Variants in CTBP1 observed in about 807,000 individuals in gnomAD.
CTBP1 encodes C-terminal-binding protein 1.
Under a neutral mutation model 42.1 loss-of-function variants are expected in CTBP1, and 11 were observed. The observed-to-expected ratio is 0.26, with a 90% CI of 0.16 to 0.43. CTBP1 has a LOEUF of 0.43. CTBP1 is among the 20% of genes least tolerant of loss of function. The pLI is 1.00. For missense variants in CTBP1, 399 were observed against 624.3 expected (o/e 0.64, Z 3.85); for synonymous variants, 324 against 277.1 (o/e 1.17, Z -1.68).
intron 8 of CTBP1, 99 bp from the exon 9 acceptor site, chr4:1,213,129 G>A: frequency 2.8e-6 from 3 of 1,060,150 alleles, no homozygotes; most frequent in Non-Finnish European, 1.4e-6. Flanking sequence ...TCTTGGCAGT[G>A]TGCTCCTCCC....
At chr4:1,221,848 G>A (rs1729773112) in intron 5 of CTBP1, 1 of 429,486 alleles carries the variant, frequency 2.3e-6, no homozygotes, top group Non-Finnish European at 4.7e-6. Flanking sequence ...ACCTAAGACA[G>A]TGCATTTTTC....
chr4:1,220,287 T>G (rs1433381577), intron 5 of CTBP1, among the ~76,000 whole-genome samples: 1 of 142,074 alleles, frequency 7.0e-6, no homozygotes, highest in African/African-American at 2.6e-5. Context: ...CAAGACTGTC[T>G]CCAAAAAAAA....
In CTBP1 at chr4:1,238,324, C is replaced by T. The variant is rs1414593862; in HGVS notation, c.21G>A (p.Pro7=). The change falls in exon 3 of 10, where the codon CCG becomes CCA. Residue 7 remains proline (P), a synonymous_variant. Transcript: ENST00000382952. This position sits in a 1 kb window ranked among gnomAD's most constrained non-coding sequence, Gnocchi z 5.9. ...GCGGGTGCAGGGGCCCGTTCATGAT[C>T]GGAGGTCGGACGCCTGCAAGACAGA... is the stretch of plus-strand genomic sequence containing the variant. MSGVRP[P]IMNGPLHPRP... is the part of the protein sequence containing the mutation. The T allele has an allele frequency of 3.2e-6, 5 of 1,573,444 alleles. No homozygotes were observed. The highest frequency in any genetic ancestry group is 1.2e-5 in the South Asian group (1 of 86,734).
intron 1 of CTBP1, among the ~76,000 whole-genome samples, chr4:1,247,339 T>C (rs949976684): frequency 1.2e-4 from 18 of 152,068 alleles, no homozygotes; most frequent in African/African-American, 4.3e-4. Context: ...GACGCCTGTA[T>C]GGAAGCAGGT....
At position 1,242,674 on chromosome 4, in the gene CTBP1, C is replaced by A. The variant is rs565897588; in HGVS notation, c.-188-1155G>T. 5.2e-5 allele frequency: 51 copies of A among 985,436 alleles called. No individual in the cohort carries two copies. In the South Asian group the frequency reaches 1.5e-3, roughly 29 times the overall value. 61.0% of individuals were successfully genotyped at this position (985,436 alleles called of 1,614,324 possible). A position where few individuals can be genotyped will look rare whatever the true frequency, so the allele number is the denominator to read the frequency against. On this transcript the variant is annotated intron_variant, in intron 1 of 9. Transcript: ENST00000382952. ...GCAGGTGCTGTGTGGGACTCCCTGA[C>A]GGAGGGCCCAAGAGCAACACTGTGG...
chr4:1,248,811 G>A (rs1308303470), intron 1 of CTBP1, 105 bp downstream of exon 1: 54 of 928,414 alleles, frequency 5.8e-5, no homozygotes, highest in African/African-American at 5.5e-4. Context: ...AAAGCCGGCG[G>A]CCCGCGGGCG....
chr4:1,245,565 G>A (rs1405965599), intron 1 of CTBP1: 5 of 984,016 alleles, frequency 5.1e-6, no homozygotes, highest in African/African-American at 1.7e-5. Context: ...TGGCACAGGA[G>A]GGCACGGTGA....
Position 1,212,972 on chromosome 4 carries a change from G to C in CTBP1, c.1047C>G (p.Thr349=). The change falls in exon 9 of 10, where the codon ACC becomes ACG. Residue 349 remains threonine, a synonymous_variant. Transcript: ENST00000382952. ...CGGCGGGGTCCATGCTGGCCCAGTG[G>C]GTGGCGGCTGTCAGATGGTCCTTGT... is the stretch of plus-strand genomic sequence containing the variant. ...CVNKDHLTAA[T]HWASMDPAVV... is the part of the protein sequence containing the mutation. 6.2e-7 allele frequency: 1 copy of C among 1,613,920 alleles called. No homozygotes were observed. Among genetic ancestry groups the C allele is most frequent in the Non-Finnish European group, 8.5e-7 (1 of 1,180,000 alleles).
chr4:1,243,242 C>T (rs2108800152), intron 1 of CTBP1: 1 of 985,410 alleles, frequency 1.0e-6, no homozygotes, highest in Non-Finnish European at 1.2e-6. Flanking sequence ...CCAGTACGTG[C>T]CCACACCTGT....
rs140595665 is a variant in CTBP1, at chr4:1,212,411, G to T, written c.1119C>A (p.Gly373=). The change falls in exon 10 of 10, where the codon GGC becomes GGA. Residue 373 remains glycine (G), a synonymous_variant. Transcript: ENST00000382952. ...LNGAAYRYPP[G]VVGVAPTGIP... Reference sequence around the variant, plus strand: ...TGCCAGTGGGGGCCACGCCCACCACGCCCGGAGGGTACCTGCTGGGAGAGG... The same window carrying T: ...TGCCAGTGGGGGCCACGCCCACCACTCCCGGAGGGTACCTGCTGGGAGAGG... 368 of 1,461,734 alleles carry T rather than the reference G, an allele frequency of 2.5e-4. No homozygotes were observed. The highest frequency in any genetic ancestry group is 3.0e-4 in the Non-Finnish European group (328 of 1,109,824). The allele number at this position is 1,461,734 out of a possible 1,614,324, so 90.5% of individuals were successfully genotyped here.
chr4:1,215,087 C>T (rs757628350), intron 6 of CTBP1, among the ~76,000 whole-genome samples: 9 of 152,224 alleles, frequency 5.9e-5, no homozygotes, highest in Non-Finnish European at 1.3e-4. Flanking sequence ...GGGCAGGTCA[C>T]GGTGGCTTTT....
intron 5 of CTBP1, among the ~76,000 whole-genome samples, chr4:1,223,164 A>C (rs1729941030): frequency 2.0e-5 from 3 of 151,526 alleles, no homozygotes; most frequent in Middle Eastern, 6.9e-3. Context: ...CTCTGCCCCA[A>C]CCTGGGCTTC....
intron 1 of CTBP1, chr4:1,243,398 T>C (rs1052121492): frequency 8.3e-5 from 82 of 985,224 alleles, no homozygotes; most frequent in Non-Finnish European, 9.4e-5. Context: ...CTGCCAGACC[T>C]GAGGGGCTGC....
rs540162590 is a variant in CTBP1 at position 1,248,678 on chromosome 4, G to T, written c.-189+238C>A. 3.8e-4 allele frequency: 369 copies of T among 982,594 alleles called. 2 individuals are homozygous for T. The African/African-American group carries it at 5.6e-3, about 15-fold the overall frequency. 60.9% of individuals were successfully genotyped at this position (982,594 alleles called of 1,614,324 possible). On this transcript the variant is annotated intron_variant, in intron 1 of 9. Transcript: ENST00000382952. ...TGTGTCACCTGCACGGGCCGCGGGC[G>T]GGGAGAGCAGACTGCGGCGCTCGCG...
At position 1,212,902 on chromosome 4, in the gene CTBP1, G is replaced by A; in HGVS notation, c.1106+11C>T. ...TCCTGGAGGCTGTTCTGGGCCAGCG[G>A]GCCTGCTCACCTATAGGCAGCCCCA... is the stretch of plus-strand genomic sequence containing the variant. On this transcript the variant is annotated intron_variant, in intron 9 of 9. Coordinates refer to ENST00000382952, the MANE Select transcript of CTBP1 (RefSeq NM_001012614.2). 1 of 1,610,728 alleles carries A rather than the reference G, an allele frequency of 6.2e-7. No individual in the cohort carries two copies. Among genetic ancestry groups the A allele is most frequent in the East Asian group, 2.2e-5 (1 of 44,864 alleles).
intron 1 of CTBP1, among the ~76,000 whole-genome samples, chr4:1,248,285 C>T (rs1192598725): frequency 6.6e-6 from 1 of 151,846 alleles, no homozygotes; most frequent in Non-Finnish European, 1.5e-5. Flanking sequence ...AACGGAGACC[C>T]CGGGCCCTCC....
chr4:1,221,729 GC>G (rs1169811685), intron 5 of CTBP1: 3 of 383,766 alleles, frequency 7.8e-6, no homozygotes, highest in Non-Finnish European at 1.6e-5. Flanking sequence ...TCGTCGCGGG[GC>G]CGCCACGGGA....
rs947087201 is a variant in CTBP1 at position 1,212,111 on chromosome 4, C to T, written c.*129G>A. 1.1e-5 allele frequency: 8 copies of T among 760,862 alleles called. No homozygotes were observed. Among genetic ancestry groups the T allele is most frequent in the Middle Eastern group, 8.2e-4 (2 of 2,442 alleles). The allele number at this position is 760,862 out of a possible 1,614,324, so 47.1% of individuals were successfully genotyped here. A position where few individuals can be genotyped will look rare whatever the true frequency, so the allele number is the denominator to read the frequency against. ...CACGAGGCCCAGCGCTGCCCCCTCC[C>T]GCCTCCTGACAGCCCGGACCAGTCT... is the stretch of plus-strand genomic sequence containing the variant. On this transcript the variant is annotated 3_prime_UTR_variant, in exon 10 of 10. Transcript: ENST00000382952.
At chr4:1,227,504 AGAT>A (rs1730490594) in intron 4 of CTBP1, among the ~76,000 whole-genome samples, 1 of 148,392 alleles carries the variant, frequency 6.7e-6, no homozygotes, top group South Asian at 2.1e-4. Context: ...GCACGGGTGC[AGAT>A]GAGTGTGCGT....
Sources: gnomAD v4.1 joint callset for allele counts (sites outside exome capture counted in the v4.1 genomes callset) on GRCh38, gnomAD v4.1.1 for gene constraint, Gnocchi (gnomAD v3.1) non-coding constraint, MANE v1.5 for transcripts, NCBI Gene and HGNC (gene_info 2026-07-23, HGNC 2026-07-21) for gene names.